Variants in CLMP observed in about 807,000 individuals in gnomAD.
CLMP encodes CXADR like cell adhesion molecule.
In CLMP, 27 loss-of-function variants were observed where a neutral mutation model predicts 45.2. The observed-to-expected ratio is 0.60, with a 90% CI of 0.44 to 0.82. The LOEUF is 0.82. Among genes scored for constraint, CLMP ranks in the 40% least tolerant of loss-of-function variants. The pLI is 0.00. For synonymous variants in CLMP, 167 were observed against 171.4 expected, an observed-to-expected ratio of 0.97 and a Z score of 0.20; for missense variants, 403 against 448.4, an observed-to-expected ratio of 0.90 and a Z score of 0.91.
chr11:123,119,042 T>TCC (rs1565387961), intron 1 of CLMP, among the ~76,000 whole-genome samples: 1 of 36,020 alleles, frequency 2.8e-5, no homozygotes, highest in South Asian at 8.2e-4. Context: ...TCTCTCTCTC[T>TCC]CTCCCTCTCC....
intron 5 of CLMP, among the ~76,000 whole-genome samples, chr11:123,082,536 C>G (rs1043935714): frequency 6.6e-5 from 10 of 151,660 alleles, no homozygotes; most frequent in African/African-American, 2.4e-4. Flanking sequence ...CTCCTGACCT[C>G]GTGATCTGCC....
intron 1 of CLMP, among the ~76,000 whole-genome samples, chr11:123,120,118 T>G (rs1481937856): frequency 2.0e-5 from 3 of 152,182 alleles, no homozygotes; most frequent in Admixed American, 6.6e-5. Context: ...GAAATGTTGT[T>G]GTACTATTTA....
intron 6 of CLMP, 44 bp downstream of exon 6, chr11:123,074,658 C>G: frequency 6.3e-7 from 1 of 1,597,686 alleles, no homozygotes; most frequent in South Asian, 1.1e-5. Flanking sequence ...TAGTGCTGGC[C>G]CTAAAACAGA....
intron 1 of CLMP, among the ~76,000 whole-genome samples, chr11:123,131,136 C>T (rs896562122): frequency 3.3e-5 from 5 of 152,102 alleles, no homozygotes; most frequent in African/African-American, 1.2e-4. Flanking sequence ...AGCCACCGTG[C>T]CCAGCCGGAT....
chr11:123,164,288 A>AGTTACT lies in CLMP; in HGVS notation c.28+30624_28+30625insAGTAAC, dbSNP rs559545161. On this transcript the variant is annotated intron_variant, in intron 1 of 6. Transcript: ENST00000448775. Reference sequence around the variant, plus strand: ...ACAATTAGTAGGAACTCATTGATTTAGTTATTGTTATTTTTATTTTTATTT... The same window carrying AGTTACT: ...ACAATTAGTAGGAACTCATTGATTTAGTTACTGTTATTGTTATTTTTATTTTTATTT... Among the ~76,000 whole-genome samples, 269 of 152,186 alleles carry AGTTACT rather than the reference A, an allele frequency of 1.8e-3. 1 individual carries two copies. The highest frequency in any genetic ancestry group is 6.3e-3 in the African/African-American group (263 of 41,528).
intron 1 of CLMP, among the ~76,000 whole-genome samples, chr11:123,145,293 G>C (rs1861219773): frequency 6.6e-6 from 1 of 151,882 alleles, no homozygotes; most frequent in Admixed American, 6.6e-5. Context: ...TTGTGCTCTC[G>C]TCTGTTTTCG....
intron 1 of CLMP, among the ~76,000 whole-genome samples, chr11:123,148,969 G>A (rs543609406): frequency 1.3e-5 from 2 of 152,250 alleles, no homozygotes; most frequent in Admixed American, 1.3e-4. Context: ...TCCTTACGGA[G>A]CATTCACTCA....
chr11:123,119,597 C>T (rs1860784767), intron 1 of CLMP, among the ~76,000 whole-genome samples: 1 of 152,016 alleles, frequency 6.6e-6, no homozygotes, highest in Non-Finnish European at 1.5e-5. Context: ...TCAAACAGAA[C>T]AAAATAGTAT....
At chr11:123,129,437 CAT>C (rs1310826136) in intron 1 of CLMP, among the ~76,000 whole-genome samples, 1 of 129,058 alleles carries the variant, frequency 7.7e-6, no homozygotes, top group African/African-American at 3.0e-5. Flanking sequence ...AAATATATAT[CAT>C]ATGATATATT....
At chr11:123,151,664 T>C (rs1861338852) in intron 1 of CLMP, among the ~76,000 whole-genome samples, 1 of 152,248 alleles carries the variant, frequency 6.6e-6, no homozygotes. Context: ...GGAACAGAGC[T>C]GCACCTTCTT....
chr11:123,138,975 G>A (rs4438047), intron 1 of CLMP, among the ~76,000 whole-genome samples: 37,205 of 151,942 alleles, frequency 0.24, 4,701 homozygotes, highest in African/African-American at 0.3. Context: ...ATTTTTAAAT[G>A]GGTGAAAAAA....
rs1474182036 is a variant in CLMP at position 123,136,414 on chromosome 11, G to T, written c.29-38462C>A. On this transcript the variant is annotated intron_variant, in intron 1 of 6. Coordinates refer to ENST00000448775, the MANE Select transcript of CLMP (RefSeq NM_024769.5). ...ACCGCCGGTGGCCAGTTCTAGGGTGGTCCCCCCCACCCCGCCCTCCTTGTC... is the reference window on the plus strand; with the variant it reads ...ACCGCCGGTGGCCAGTTCTAGGGTGTTCCCCCCCACCCCGCCCTCCTTGTC... 9.2e-6 allele frequency: 4 copies of T among 433,234 alleles called. No homozygotes were observed. The East Asian group carries it at 2.2e-4, about 24-fold the overall frequency. The allele number at this position is 433,234 out of a possible 1,614,324, so 26.8% of individuals were successfully genotyped here.
rs1194840278 is a variant in CLMP at position 123,129,397 on chromosome 11, TA to T, written c.29-31446del. On this transcript the variant is annotated intron_variant, in intron 1 of 6. Transcript: ENST00000448775. ...AATATATATCATATGATATATTATATAAAATATATATCATATGATATATTAT... is the reference window on the plus strand; with the variant it reads ...AATATATATCATATGATATATTATATAAATATATATCATATGATATATTAT... Among the ~76,000 whole-genome samples, 1,330 of 141,290 alleles carry T rather than the reference TA, an allele frequency of 9.4e-3. 42 individuals are homozygous for T. Among genetic ancestry groups the T allele is most frequent in the African/African-American group, 0.033 (1,237 of 37,258 alleles). The allele number at this position is 141,290 out of a possible 152,430, so 92.7% of individuals were successfully genotyped here.
At chr11:123,078,676 GCT>G (rs1865767694) in intron 5 of CLMP, among the ~76,000 whole-genome samples, 1 of 140,156 alleles carries the variant, frequency 7.1e-6, no homozygotes, top group South Asian at 2.3e-4. Flanking sequence ...ACAGAGTCCT[GCT>G]CTGTCGCCTA....
intron 2 of CLMP, among the ~76,000 whole-genome samples, chr11:123,090,115 C>T (rs1406330206): frequency 6.6e-6 from 1 of 151,048 alleles, no homozygotes; most frequent in African/African-American, 2.4e-5. Flanking sequence ...AATTTCTTAT[C>T]ATTTAGGATC....
At chr11:123,152,600 T>C (rs1861354252) in intron 1 of CLMP, among the ~76,000 whole-genome samples, 1 of 151,480 alleles carries the variant, frequency 6.6e-6, no homozygotes, top group Admixed American at 6.6e-5. Flanking sequence ...GAGAGAGGCC[T>C]TAGAGGAAAC....
At chr11:123,092,336 C>T (rs1158214639) in intron 2 of CLMP, among the ~76,000 whole-genome samples, 2 of 151,180 alleles carry the variant, frequency 1.3e-5, no homozygotes, top group South Asian at 2.1e-4. Flanking sequence ...CTAGCTCTGT[C>T]GCCCAGGTTG....
chr11:123,089,790 AAAAG>A (rs1865907957), intron 2 of CLMP, among the ~76,000 whole-genome samples: 2 of 136,156 alleles, frequency 1.5e-5, no homozygotes, highest in Admixed American at 1.5e-4. Flanking sequence ...AAAAAAAAAA[AAAAG>A]AAAAAGAAAA....
rs114927033 is a variant in CLMP, at chr11:123,182,790, G to A, written c.28+12123C>T. Reference sequence around the variant, plus strand: ...GTAAGAACATCATCATTTCAAAGACGCAAGAAAGGCTTAACCGTGAAATAA... The same window carrying A: ...GTAAGAACATCATCATTTCAAAGACACAAGAAAGGCTTAACCGTGAAATAA... On this transcript the variant is annotated intron_variant, in intron 1 of 6. Transcript: ENST00000448775. Among the ~76,000 whole-genome samples, 1,329 of 152,162 alleles carry A rather than the reference G, an allele frequency of 8.7e-3. 12 individuals are homozygous for A. The highest frequency in any genetic ancestry group is 0.026 in the African/African-American group (1,075 of 41,504).
Sources: allele counts gnomAD v4.1 joint callset (sites outside exome capture counted in the v4.1 genomes callset), GRCh38; gene constraint gnomAD v4.1.1; transcripts MANE v1.5; gene names NCBI Gene and HGNC (gene_info 2026-07-23, HGNC 2026-07-21).